SLC6A17: variants seen among roughly 807,000 people sequenced by gnomAD.
SLC6A17 encodes the protein sodium-dependent neutral amino acid transporter SLC6A17.
In SLC6A17, 21 loss-of-function variants were observed where a neutral mutation model predicts 64.5. That is an observed-to-expected ratio of 0.33 (90% CI 0.23 to 0.47). The LOEUF is 0.47. Among genes scored for constraint, SLC6A17 ranks in the 20% least tolerant of loss-of-function variants. The pLI, the probability that SLC6A17 is intolerant of heterozygous loss-of-function variation, is 1.00. For synonymous variants in SLC6A17, 372 were observed against 399.5 expected (o/e 0.93, Z 0.82); for missense variants, 682 against 963.2 (o/e 0.71, Z 3.86).
chr1:110,163,446 CTGCTACCATT>C (rs1655970086), intron 1 of SLC6A17, among the ~76,000 whole-genome samples: 1 of 152,194 alleles, frequency 6.6e-6, no homozygotes, highest in Admixed American at 6.5e-5. Flanking sequence ...CAGGCAGTGG[CTGCTACCATT>C]TGGGTCCTTT....
rs1656270085 is a variant in SLC6A17 at position 110,172,514 on chromosome 1, T to C, written c.444+297T>C. 5 of 338,920 alleles carry C rather than the reference T, an allele frequency of 1.5e-5. No individual in the cohort carries two copies. The South Asian group carries it at 1.9e-4, about 13-fold the overall frequency. The allele number at this position is 338,920 out of a possible 1,614,324, so 21.0% of individuals were successfully genotyped here. A position where few individuals can be genotyped will look rare whatever the true frequency, so the allele number is the denominator to read the frequency against. On this transcript the variant is annotated intron_variant, in intron 3 of 11. Transcript: ENST00000331565. The stretch of plus-strand genomic sequence containing the variant: ...GCCTGGGACAGCTCAGCCAGAGTTC[T>C]CTGGGAACATATGGACTAGCCCAGA...
In SLC6A17 at chr1:110,198,470, T is replaced by TC. The variant is rs1208738854; in HGVS notation, c.*32dup. 3 of 1,578,480 alleles carry TC rather than the reference T, an allele frequency of 1.9e-6. No homozygotes were observed. The highest frequency in any genetic ancestry group is 1.3e-5 in the African/African-American group (1 of 74,472). ...CCACTGCCCAAGCCCTGCCCGCCTC[T>TC]CCCCCCACGCTCAACCTGCCCACTT... is the stretch of plus-strand genomic sequence containing the variant. On this transcript the variant is annotated 3_prime_UTR_variant, in exon 12 of 12. Transcript: ENST00000331565.
Position 110,174,651 on chromosome 1 carries a change from A to C in SLC6A17, c.572-128A>C, listed in dbSNP as rs1043468561. The C allele has an allele frequency of 3.4e-6, 4 of 1,172,174 alleles. No individual in the cohort carries two copies. In the Admixed American group the frequency reaches 7.2e-5, roughly 21 times the overall value. The allele number at this position is 1,172,174 out of a possible 1,614,324, so 72.6% of individuals were successfully genotyped here. A position where few individuals can be genotyped will look rare whatever the true frequency, so the allele number is the denominator to read the frequency against. ...AGATCCCGGCTAACCCAAGATGAGCACAGCCCCTCCCAGCTGCCCACCCTC... is the reference window on the plus strand; with the variant it reads ...AGATCCCGGCTAACCCAAGATGAGCCCAGCCCCTCCCAGCTGCCCACCCTC... On this transcript the variant is annotated intron_variant, in intron 4 of 11. Coordinates refer to ENST00000331565, the MANE Select transcript of SLC6A17 (RefSeq NM_001010898.4).
At position 110,192,910 on chromosome 1, in the gene SLC6A17, G is replaced by T. The variant is rs1399413677; in HGVS notation, c.1299+212G>T. On this transcript the variant is annotated intron_variant, in intron 8 of 11. Coordinates refer to ENST00000331565, the MANE Select transcript of SLC6A17 (RefSeq NM_001010898.4). This position sits in a 1 kb window ranked among gnomAD's most constrained non-coding sequence, Gnocchi z 4.3. Reference sequence around the variant, plus strand: ...AGGTAGGCTTGAGCCTAGACAAGAAGTAGGGCAGACACACACCTCTCAGAA... The same window carrying T: ...AGGTAGGCTTGAGCCTAGACAAGAATTAGGGCAGACACACACCTCTCAGAA... Among the ~76,000 whole-genome samples, 1 of 152,224 alleles carries T rather than the reference G, an allele frequency of 6.6e-6. No homozygotes were observed. Among genetic ancestry groups the T allele is most frequent in the Non-Finnish European group, 1.5e-5 (1 of 68,034 alleles).
Position 110,192,415 on chromosome 1 carries a change from T to G in SLC6A17, c.1107-91T>G, listed in dbSNP as rs2603583. 924,259 of 1,494,210 alleles carry G rather than the reference T, an allele frequency of 0.62. 290,172 individuals are homozygous for G. The highest frequency in any genetic ancestry group is 0.73 in the African/African-American group (52,437 of 71,806). 92.6% of individuals were successfully genotyped at this position (1,494,210 alleles called of 1,614,324 possible). A position where few individuals can be genotyped will look rare whatever the true frequency, so the allele number is the denominator to read the frequency against. On this transcript the variant is annotated intron_variant, in intron 7 of 11. Coordinates refer to ENST00000331565, the MANE Select transcript of SLC6A17 (RefSeq NM_001010898.4). The surrounding 1 kb of genome is among the most constrained non-coding windows in gnomAD (Gnocchi z 4.3). ...ATGCCTCTGTCAGTGACCCATGAGGTTCCCACCTGGGTGCCTGGGAAGAGC... is the reference window on the plus strand; with the variant it reads ...ATGCCTCTGTCAGTGACCCATGAGGGTCCCACCTGGGTGCCTGGGAAGAGC...
chr1:110,163,929 A>T (rs1259680919), intron 1 of SLC6A17, among the ~76,000 whole-genome samples: 10 of 152,122 alleles, frequency 6.6e-5, no homozygotes, highest in African/African-American at 2.2e-4. Flanking sequence ...CGCATCCAGC[A>T]TAAAAGAGCC....
intron 8 of SLC6A17, among the ~76,000 whole-genome samples, chr1:110,193,281 C>G (rs1656878591): frequency 6.6e-6 from 1 of 152,204 alleles, no homozygotes; most frequent in Non-Finnish European, 1.5e-5. Flanking sequence ...GCTTCTGCCC[C>G]TCCCCAACCT....
At chr1:110,195,029 T>C in intron 9 of SLC6A17, 2 of 531,574 alleles carry the variant, frequency 3.8e-6, no homozygotes, top group Non-Finnish European at 6.8e-6. Flanking sequence ...CTTGCCCCTC[T>C]CCCCAAGGGC....
At chr1:110,162,151 G>A (rs368742470) in intron 1 of SLC6A17, among the ~76,000 whole-genome samples, 3 of 152,232 alleles carry the variant, frequency 2.0e-5, no homozygotes, top group African/African-American at 7.2e-5. Context: ...CATCCGACGT[G>A]TTGCTCGTGA....
intron 1 of SLC6A17, among the ~76,000 whole-genome samples, chr1:110,158,701 T>G (rs539745126): frequency 5.9e-4 from 90 of 152,344 alleles, no homozygotes; most frequent in African/African-American, 2.1e-3. Flanking sequence ...AGAGCAGGAC[T>G]TTAGGTTTTC....
chr1:110,155,953 G>A (rs1316885500), intron 1 of SLC6A17, among the ~76,000 whole-genome samples: 1 of 152,200 alleles, frequency 6.6e-6, no homozygotes, highest in African/African-American at 2.4e-5. Context: ...ATAGTCACTC[G>A]ATAGGGTGGT....
intron 1 of SLC6A17, among the ~76,000 whole-genome samples, chr1:110,162,234 A>G (rs916691064): frequency 2.0e-5 from 3 of 152,230 alleles, no homozygotes; most frequent in Non-Finnish European, 4.4e-5. Flanking sequence ...CTGTCACCAC[A>G]TCTCTACCAT....
At position 110,174,913 on chromosome 1, in the gene SLC6A17, A is replaced by T; in HGVS notation, c.706A>T (p.Ser236Cys). ...GACCCTGTGCCTCCTCGTGGCCTGG[A>T]GCATCGTGGGGATGGCTGTCGTTAA... Reference protein sequence around the residue: ...KMTLCLLVAWSIVGMAVVKGI... With the variant: ...KMTLCLLVAWCIVGMAVVKGI... The change falls in exon 5 of 12, where the codon AGC (serine) becomes TGC (cysteine). Residue 236 changes from serine to cysteine, a missense_variant. Ser to Cys is a moderately radical substitution (Grantham distance 112). Transcript: ENST00000331565. 1 of 1,614,048 alleles carries T rather than the reference A, an allele frequency of 6.2e-7. No homozygotes were observed. Among genetic ancestry groups the T allele is most frequent in the South Asian group, 1.1e-5 (1 of 91,060 alleles).
intron 5 of SLC6A17, among the ~76,000 whole-genome samples, chr1:110,175,872 G>C (rs2101849013): frequency 6.6e-6 from 1 of 152,322 alleles, no homozygotes; most frequent in African/African-American, 2.4e-5. Flanking sequence ...ACAACGTTAT[G>C]AGTTAGGGAT....
chr1:110,154,432 T>C (rs1655698467), intron 1 of SLC6A17, among the ~76,000 whole-genome samples: 1 of 152,172 alleles, frequency 6.6e-6, no homozygotes, highest in Non-Finnish European at 1.5e-5. Context: ...GTGGGTCCAG[T>C]TTTTTTAAGT....
At position 110,150,592 on chromosome 1, in the gene SLC6A17, G is replaced by A. The variant is rs1655568726; in HGVS notation, c.-379G>A. The stretch of plus-strand genomic sequence containing the variant: ...CAGGGCGCAGGGAGGGCGGCACTCG[G>A]CCCCAGTCTTCGCAATCCCGCGCGC... On this transcript the variant is annotated 5_prime_UTR_variant, in exon 1 of 12. Transcript: ENST00000331565. The A allele has an allele frequency of 6.6e-6, 1 of 152,262 alleles. No individual in the cohort carries two copies. The highest frequency in any genetic ancestry group is 1.5e-5 in the Non-Finnish European group (1 of 68,086). The allele number at this position is 152,262 out of a possible 1,614,324, so 9.4% of individuals were successfully genotyped here.
At chr1:110,163,140 T>C (rs1655962473) in intron 1 of SLC6A17, among the ~76,000 whole-genome samples, 1 of 151,944 alleles carries the variant, frequency 6.6e-6, no homozygotes, top group South Asian at 2.1e-4. Flanking sequence ...TTAATAATAA[T>C]ATTGCTGGTC....
rs759258693 is a variant in SLC6A17, at chr1:110,192,543, G to T, written c.1144G>T (p.Val382Phe). ...AATCCTAGGGTACCTTAACACCAAC[G>T]TCCTGAGCCGGGACCTCATCCCACC... Reference protein sequence around the residue: ...EKILGYLNTNVLSRDLIPPHV... With the variant: ...EKILGYLNTNFLSRDLIPPHV... The change falls in exon 8 of 12, where the codon GTC becomes TTC. Residue 382 changes from valine (V) to phenylalanine (F), a missense_variant. Around this residue, in one of 3 missense-constraint regions of SLC6A17, gnomAD observed 415 missense variants for 603.8 expected, o/e 0.69. Transcript: ENST00000331565. The surrounding 1 kb of genome is among the most constrained non-coding windows in gnomAD (Gnocchi z 4.3). The T allele has an allele frequency of 8.7e-6, 14 of 1,614,044 alleles. No homozygotes were observed. The South Asian group carries it at 1.5e-4, about 18-fold the overall frequency.
chr1:110,153,061 G>A (rs1655650315), intron 1 of SLC6A17, among the ~76,000 whole-genome samples: 1 of 152,192 alleles, frequency 6.6e-6, no homozygotes, highest in Admixed American at 6.5e-5. Flanking sequence ...TGTTGGGGTA[G>A]GGGTGGGGTT....
Sources: allele counts gnomAD v4.1 joint callset (sites outside exome capture counted in the v4.1 genomes callset), GRCh38; gene constraint gnomAD v4.1.1; regional missense constraint gnomAD v4.1.1; non-coding constraint Gnocchi (gnomAD v3.1); transcripts MANE v1.5; gene names NCBI Gene and HGNC (gene_info 2026-07-23, HGNC 2026-07-21).